The following CNTNAP2 variants were observed in gnomAD, a reference collection of about 807,000 sequenced individuals.
The protein encoded by CNTNAP2 is contactin-associated protein-like 2.
Under a neutral mutation model 155.2 loss-of-function variants are expected in CNTNAP2, and 98 were observed. The observed-to-expected ratio is 0.63, with a 90% confidence interval of 0.54 to 0.75. The LOEUF (loss-of-function observed/expected upper bound fraction) is 0.75. Among genes scored for constraint, CNTNAP2 ranks in the 30% least tolerant of loss-of-function variants. The pLI, the probability that CNTNAP2 is intolerant of heterozygous loss-of-function variation, is 0.00. For synonymous variants in CNTNAP2, 651 were observed against 631.2 expected (o/e 1.03, Z -0.47); for missense variants, 1,727 against 1,688.1 (o/e 1.02, Z -0.40).
rs1160111179 is a variant in CNTNAP2, at chr7:147,319,747, TAGAG to T, written c.1498+19458_1498+19461del. On this transcript the variant is annotated intron_variant, in intron 9 of 23. Coordinates refer to ENST00000361727, the MANE Select transcript of CNTNAP2 (RefSeq NM_014141.6). ...GATATAATAATATTAACTTTTAAGA[TAGAG>T]GGAAAAAATCCAAATTATTAGGATA... is the stretch of plus-strand genomic sequence containing the variant. Among the ~76,000 whole-genome samples, 3 of 152,206 alleles carry T rather than the reference TAGAG, an allele frequency of 2.0e-5. No homozygotes were observed. In the East Asian group the frequency reaches 5.8e-4, roughly 29 times the overall value.
At chr7:147,886,557 A>G (rs955899384) in intron 13 of CNTNAP2, among the ~76,000 whole-genome samples, 1 of 148,768 alleles carries the variant, frequency 6.7e-6, no homozygotes, top group Non-Finnish European at 1.5e-5. Flanking sequence ...TCTCTTGTAC[A>G]TCCTCATTTC....
chr7:147,060,443 C>T (rs967717737), intron 4 of CNTNAP2, among the ~76,000 whole-genome samples: 2 of 152,188 alleles, frequency 1.3e-5, no homozygotes, highest in Non-Finnish European at 2.9e-5. Flanking sequence ...AATGTGCAGG[C>T]TGGGCACGAT....
In CNTNAP2 at chr7:147,134,683, T is replaced by C. The variant is rs148919482; in HGVS notation, c.1348+2174T>C. Among the ~76,000 whole-genome samples, 393 of 152,064 alleles carry C rather than the reference T, an allele frequency of 2.6e-3. 3 individuals are homozygous for C. The highest frequency in any genetic ancestry group is 9.0e-3 in the African/African-American group (372 of 41,558). On this transcript the variant is annotated intron_variant, in intron 8 of 23. Transcript: ENST00000361727. ...CCATAGGACATAATTTCCTCTGTCT[T>C]TTAATGTATTTTATCAAATTCAATT...
At chr7:148,233,447 T>C (rs966445904) in intron 20 of CNTNAP2, among the ~76,000 whole-genome samples, 1 of 152,172 alleles carries the variant, frequency 6.6e-6, no homozygotes, top group African/African-American at 2.4e-5. Flanking sequence ...ACCACTTGGA[T>C]AAATTTGACT....
intron 1 of CNTNAP2, among the ~76,000 whole-genome samples, chr7:146,535,289 A>AT (rs1184447922): frequency 1.7e-5 from 1 of 57,174 alleles, no homozygotes; most frequent in African/African-American, 1.5e-4. Context: ...TATATTATAT[A>AT]ATGTATATTA....
chr7:147,947,396 T>C (rs1395575419), intron 14 of CNTNAP2, among the ~76,000 whole-genome samples: 1 of 145,666 alleles, frequency 6.9e-6, no homozygotes, highest in African/African-American at 2.5e-5. Flanking sequence ...GGCGGGAGGA[T>C]TGCTTGAGCC....
intron 16 of CNTNAP2, among the ~76,000 whole-genome samples, chr7:148,143,966 A>T (rs1401932538): frequency 6.6e-6 from 1 of 152,222 alleles, no homozygotes; most frequent in Non-Finnish European, 1.5e-5. Flanking sequence ...GCCTTCATTA[A>T]ATCCAGATCC....
rs191026075 is a variant in CNTNAP2, at chr7:148,018,489, G to T, written c.2383+40500G>T. Among the ~76,000 whole-genome samples the T allele has an allele frequency of 1.9e-3, 288 of 152,314 alleles. 6 individuals carry two copies. The highest frequency in any genetic ancestry group is 0.015 in the Admixed American group (237 of 15,304). On this transcript the variant is annotated intron_variant, in intron 15 of 23. Transcript: ENST00000361727. ...AAAACCAAGTACTAACAGCTAAGGGGAAAAACTCACACAATGAACCAGAAG... is the reference window on the plus strand; with the variant it reads ...AAAACCAAGTACTAACAGCTAAGGGTAAAAACTCACACAATGAACCAGAAG...
chr7:146,687,698 T>A (rs1171831571), intron 1 of CNTNAP2, among the ~76,000 whole-genome samples: 1 of 152,190 alleles, frequency 6.6e-6, no homozygotes, highest in Non-Finnish European at 1.5e-5. Flanking sequence ...AATGGAAAAG[T>A]ACATTGAAAA....
chr7:147,667,919 G>A (rs957921681), intron 13 of CNTNAP2, among the ~76,000 whole-genome samples: 1 of 152,130 alleles, frequency 6.6e-6, no homozygotes, highest in Non-Finnish European at 1.5e-5. Context: ...GTGTCACTAA[G>A]GAGTGTATAA....
At chr7:146,796,703 A>G (rs1802775587) in intron 2 of CNTNAP2, among the ~76,000 whole-genome samples, 1 of 152,102 alleles carries the variant, frequency 6.6e-6, no homozygotes, top group Non-Finnish European at 1.5e-5. Flanking sequence ...AACCTCATTG[A>G]TTTCACTGAA....
At chr7:148,328,976 G>GAAA (rs71188969) in intron 21 of CNTNAP2, among the ~76,000 whole-genome samples, 1,793 of 69,110 alleles carry the variant, frequency 0.026, 73 homozygotes, top group Non-Finnish European at 0.034. Flanking sequence ...ACTCTGTCTG[G>GAAA]AAAAAAAAAA....
At chr7:146,433,588 A>T (rs1471716156) in intron 1 of CNTNAP2, among the ~76,000 whole-genome samples, 1 of 152,182 alleles carries the variant, frequency 6.6e-6, no homozygotes, top group African/African-American at 2.4e-5. Context: ...ATGGATCCAG[A>T]GAGTTCATCT....
intron 10 of CNTNAP2, among the ~76,000 whole-genome samples, chr7:147,470,293 T>C (rs1798193880): frequency 6.6e-6 from 1 of 152,140 alleles, no homozygotes; most frequent in Non-Finnish European, 1.5e-5. Context: ...GTAGAGATGG[T>C]AGCTATGGTA....
intron 4 of CNTNAP2, among the ~76,000 whole-genome samples, chr7:147,080,781 A>T (rs902091410): frequency 6.6e-6 from 1 of 151,090 alleles, no homozygotes; most frequent in African/African-American, 2.4e-5. Context: ...CATGTCAATT[A>T]GAATCAGTCT....
intron 3 of CNTNAP2, among the ~76,000 whole-genome samples, chr7:147,022,407 G>A (rs1244486645): frequency 1.3e-5 from 2 of 151,968 alleles, no homozygotes; most frequent in East Asian, 3.9e-4. Flanking sequence ...CATTTTTATG[G>A]CAAAGTTTCC....
intron 15 of CNTNAP2, among the ~76,000 whole-genome samples, chr7:147,995,578 A>G (rs1431839069): frequency 6.7e-6 from 1 of 149,428 alleles, no homozygotes; most frequent in African/African-American, 2.5e-5. Flanking sequence ...CCCAGGCTGC[A>G]GTGCAGTGGT....
rs181845082 is a variant in CNTNAP2 at position 146,230,357 on chromosome 7, C to T, written c.97+113384C>T. ...GAACAAACTTAGAGACAAGCACTTC[C>T]TTCACTGAAGAGAAACCTGATATCT... On this transcript the variant is annotated intron_variant, in intron 1 of 23. Coordinates refer to ENST00000361727, the MANE Select transcript of CNTNAP2 (RefSeq NM_014141.6). Among the ~76,000 whole-genome samples, 24 of 152,268 alleles carry T rather than the reference C, an allele frequency of 1.6e-4. No homozygotes were observed. In the East Asian group the frequency reaches 2.3e-3, roughly 15 times the overall value.
chr7:146,542,863 C>A (rs1490566917), intron 1 of CNTNAP2, among the ~76,000 whole-genome samples: 1 of 151,874 alleles, frequency 6.6e-6, no homozygotes, highest in Non-Finnish European at 1.5e-5. Context: ...TCTTTTAAAG[C>A]TTCTCTATAG....
Sources: allele counts gnomAD v4.1 joint callset (sites outside exome capture counted in the v4.1 genomes callset), GRCh38; gene constraint gnomAD v4.1.1; transcripts MANE v1.5; gene names NCBI Gene and HGNC (gene_info 2026-07-23, HGNC 2026-07-21).